CUX2: variants seen among roughly 807,000 people sequenced by gnomAD.
The protein encoded by CUX2 is cut like homeobox 2.
CUX2 carries 40 observed loss-of-function variants against 144.8 expected under a neutral mutation model. That is an observed-to-expected ratio of 0.28 (90% confidence interval 0.21 to 0.36). The LOEUF (loss-of-function observed/expected upper bound fraction) is 0.36. CUX2 is among the 10% of genes least tolerant of loss of function. The probability of loss-of-function intolerance (pLI) is 1.00; values close to 1 mark genes in which losing one functional copy is unlikely to be tolerated. For synonymous variants in CUX2, 827 were observed against 875.6 expected (o/e 0.94, Z 0.98); for missense variants, 1,615 against 1,994.0 (o/e 0.81, Z 3.62).
In CUX2 at chr12:111,347,638, G is replaced by T; in HGVS notation, c.3774G>T (p.Pro1258=). 2.9e-6 allele frequency: 2 copies of T among 678,146 alleles called. No homozygotes were observed. The highest frequency in any genetic ancestry group is 5.2e-6 in the Non-Finnish European group (2 of 382,334). The allele number at this position is 678,146 out of a possible 1,614,324, so 42.0% of individuals were successfully genotyped here. A position where few individuals can be genotyped will look rare whatever the true frequency, so the allele number is the denominator to read the frequency against. Reference sequence around the variant, plus strand: ...GCCACTCCCACCCAGACCCCACCCCGCAGAGCCCTGACTCTGAGACTGAGG... The same window carrying T: ...GCCACTCCCACCCAGACCCCACCCCTCAGAGCCCTGACTCTGAGACTGAGG... ...PPGHSHPDPT[P]QSPDSETEDQ... Residue 1258 remains proline (P), a synonymous_variant, in exon 22 of 22, where the codon CCG becomes CCT. Transcript: ENST00000261726.
At chr12:111,239,341 C>T (rs917354454) in intron 3 of CUX2, among the ~76,000 whole-genome samples, 3 of 152,152 alleles carry the variant, frequency 2.0e-5, no homozygotes, top group Admixed American at 1.3e-4. Context: ...TTAATTAGGC[C>T]ATTATGCATT....
In CUX2 at chr12:111,320,859, G is replaced by A. The variant is rs1016007690; in HGVS notation, c.2766+84G>A. 6.6e-6 allele frequency: 9 copies of A among 1,358,456 alleles called. No individual in the cohort carries two copies. The highest frequency in any genetic ancestry group is 8.6e-6 in the Non-Finnish European group (9 of 1,047,528). The allele number at this position is 1,358,456 out of a possible 1,614,324, so 84.2% of individuals were successfully genotyped here. A position where few individuals can be genotyped will look rare whatever the true frequency, so the allele number is the denominator to read the frequency against. On this transcript the variant is annotated intron_variant, in intron 17 of 21. Transcript: ENST00000261726. The surrounding 1 kb of genome is among the most constrained non-coding windows in gnomAD (Gnocchi z 8.1). ...GATGCCCACCCAAGCAGGCTGGCGG[G>A]ACCCCAGGGGCCCAGGCCCTTCATT...
At chr12:111,092,345 G>A (rs139527027) in intron 1 of CUX2, among the ~76,000 whole-genome samples, 58 of 152,368 alleles carry the variant, frequency 3.8e-4, no homozygotes, top group African/African-American at 1.2e-3. Context: ...TCAGGCAGGA[G>A]GAGCAGAGTC....
chr12:111,229,489 C>T (rs1882352268), intron 3 of CUX2, among the ~76,000 whole-genome samples: 1 of 152,190 alleles, frequency 6.6e-6, no homozygotes, highest in Non-Finnish European at 1.5e-5. Context: ...GAAAGATGGG[C>T]CCAGGTCAGG....
intron 4 of CUX2, among the ~76,000 whole-genome samples, chr12:111,276,199 T>A (rs1884864512): frequency 6.6e-6 from 1 of 151,866 alleles, no homozygotes; most frequent in African/African-American, 2.4e-5. Context: ...CAAAAAATTT[T>A]AAAAATAGCT....
intron 1 of CUX2, among the ~76,000 whole-genome samples, chr12:111,194,882 T>C (rs1465981670): frequency 6.6e-6 from 1 of 152,222 alleles, no homozygotes; most frequent in Non-Finnish European, 1.5e-5. Context: ...GCCTTGGTTG[T>C]GTCTATCTGG....
At chr12:111,100,198 T>G (rs1481682298) in intron 1 of CUX2, 1 of 377,344 alleles carries the variant, frequency 2.7e-6, no homozygotes, top group East Asian at 7.3e-5. Flanking sequence ...TGTGTGTGTG[T>G]GTGTATGTGT....
rs796090831 is a variant in CUX2, at chr12:111,039,633, G to A, written c.63+5393G>A. On this transcript the variant is annotated intron_variant, in intron 1 of 21. Transcript: ENST00000261726. The surrounding 1 kb of genome is among the most constrained non-coding windows in gnomAD (Gnocchi z 4.2). ...GCAATCTCAGCTCACTGCAACCTCC[G>A]CCTCCCGGGTTCACGTGATTCCCAA... 2.3e-3 allele frequency among the ~76,000 whole-genome samples: 353 copies of A among 152,248 alleles called. 3 individuals carry two copies. The highest frequency in any genetic ancestry group is 7.8e-3 in the African/African-American group (325 of 41,546).
chr12:111,247,488 G>A (rs1254122326), intron 3 of CUX2, among the ~76,000 whole-genome samples: 1 of 152,254 alleles, frequency 6.6e-6, no homozygotes, highest in Non-Finnish European at 1.5e-5. Context: ...GGAGGCCGCT[G>A]CCACTTGGGA....
At chr12:111,040,369 T>A (rs1869681718) in intron 1 of CUX2, among the ~76,000 whole-genome samples, 1 of 151,766 alleles carries the variant, frequency 6.6e-6, no homozygotes. Flanking sequence ...TCCCCCAGGA[T>A]CTGCCCCATT....
intron 4 of CUX2, among the ~76,000 whole-genome samples, chr12:111,278,185 G>A (rs1884969686): frequency 1.3e-5 from 2 of 152,226 alleles, no homozygotes; most frequent in Admixed American, 6.5e-5. Flanking sequence ...GGGAGGCTGA[G>A]GTGGGAGGAT....
At chr12:111,196,817 TG>T (rs1263099431) in intron 1 of CUX2, among the ~76,000 whole-genome samples, 1 of 152,216 alleles carries the variant, frequency 6.6e-6, no homozygotes, top group Non-Finnish European at 1.5e-5. Flanking sequence ...GGCTAGTGGC[TG>T]CTGTATTGGA....
intron 3 of CUX2, among the ~76,000 whole-genome samples, chr12:111,240,994 G>T (rs536768085): frequency 2.0e-5 from 3 of 152,250 alleles, no homozygotes; most frequent in Admixed American, 1.3e-4. Flanking sequence ...GTCTTAGTCC[G>T]TTTTGTGTTG....
chr12:111,250,867 G>A (rs1184656439), intron 3 of CUX2, among the ~76,000 whole-genome samples: 1 of 152,174 alleles, frequency 6.6e-6, no homozygotes. Flanking sequence ...CATGAAAGTG[G>A]ATCTGGATTC....
chr12:111,142,529 G>GAAAAA (rs200266878), intron 1 of CUX2, among the ~76,000 whole-genome samples: 2 of 107,196 alleles, frequency 1.9e-5, no homozygotes, highest in Non-Finnish European at 2.1e-5. Flanking sequence ...GTCAGGGAAG[G>GAAAAA]AAAAAAAAAA....
chr12:111,294,287 T>C (rs1481963388), intron 6 of CUX2, among the ~76,000 whole-genome samples: 1 of 152,202 alleles, frequency 6.6e-6, no homozygotes, highest in Non-Finnish European at 1.5e-5. Flanking sequence ...TTTGTATTTT[T>C]AGCAGAGACA....
chr12:111,048,734 G>A (rs1260649001), intron 1 of CUX2, among the ~76,000 whole-genome samples: 1 of 152,196 alleles, frequency 6.6e-6, no homozygotes, highest in African/African-American at 2.4e-5. Context: ...TAGAGCCCGG[G>A]CCACATGCAG....
chr12:111,295,417 T>C lies in CUX2; in HGVS notation c.637+8T>C, dbSNP rs1885920299. 1 of 1,610,582 alleles carries C rather than the reference T, an allele frequency of 6.2e-7. No individual in the cohort carries two copies. The highest frequency in any genetic ancestry group is 2.2e-5 in the East Asian group (1 of 44,682). Reference sequence around the variant, plus strand: ...TCAAAGTCCTACATTCAGGTATGTGTCGGCACCATGTGGCCTAGAGGGAGG... The same window carrying C: ...TCAAAGTCCTACATTCAGGTATGTGCCGGCACCATGTGGCCTAGAGGGAGG... On this transcript the variant is annotated splice_region_variant and intron_variant, in intron 7 of 21. Transcript: ENST00000261726. The surrounding 1 kb of genome is among the most constrained non-coding windows in gnomAD (Gnocchi z 5.0).
At position 111,291,422 on chromosome 12, in the gene CUX2, C is replaced by T. The variant is rs371918039; in HGVS notation, c.306C>T (p.Pro102=). Reference sequence around the variant, plus strand: ...TGTCTTTCTCTCCCTGCACAGACCCCGTGCCTGTGTTTGAGGCGGCACGCA... The same window carrying T: ...TGTCTTTCTCTCCCTGCACAGACCCTGTGCCTGTGTTTGAGGCGGCACGCA... The part of the protein sequence containing the change: ...VYKQLIEAPD[P]VPVFEAARSL... Residue 102 remains proline, a synonymous_variant, in exon 5 of 22, where the codon CCC becomes CCT. Transcript: ENST00000261726. The T allele has an allele frequency of 3.4e-4, 541 of 1,609,426 alleles. 2 individuals carry two copies. The East Asian group carries it at 8.2e-3, about 24-fold the overall frequency.
Sources: allele counts gnomAD v4.1 joint callset (sites outside exome capture counted in the v4.1 genomes callset), GRCh38; gene constraint gnomAD v4.1.1; non-coding constraint Gnocchi (gnomAD v3.1); transcripts MANE v1.5; gene names NCBI Gene and HGNC (gene_info 2026-07-23, HGNC 2026-07-21).